GK3: variants seen among roughly 807,000 people sequenced by gnomAD.
GK3 encodes the protein glycerol kinase 3 pseudogene.
the GK3 span, chr4:165,277,940 T>C: frequency 6.4e-6 from 6 of 944,034 alleles, no homozygotes; most frequent in East Asian, 4.8e-5. Flanking sequence ...GTTCTTTCAT[T>C]ATGTAAAAAG....
the GK3 span, chr4:165,278,164 C>A: frequency 3.5e-6 from 5 of 1,438,002 alleles, no homozygotes; most frequent in African/African-American, 2.8e-5. Context: ...TTTCACTTTC[C>A]TCAGCATTAA....
chr4:165,278,813 G>T, the GK3 span: 12 of 1,548,302 alleles, frequency 7.8e-6, no homozygotes, highest in South Asian at 1.1e-4. Flanking sequence ...TGTTCCATAC[G>T]TATTTTTGGC....
At chr4:165,279,276 C>G in the GK3 span, 85 of 1,537,910 alleles carry the variant, frequency 5.5e-5, no homozygotes, top group African/African-American at 1.1e-3. Context: ...CTAAGACTCT[C>G]AACGGTAGAC....
chr4:165,278,249 G>A, the GK3 span: 1 of 1,113,214 alleles, frequency 9.0e-7, no homozygotes, highest in Non-Finnish European at 1.4e-6. Context: ...GACTCCTTCT[G>A]CAGCCCCTGC....
the GK3 span, chr4:165,278,971 A>T: frequency 1.3e-6 from 2 of 1,484,148 alleles, no homozygotes; most frequent in South Asian, 2.3e-5. Context: ...TTTCCATTGG[A>T]ATTCCAAAAA....
At chr4:165,279,432 A>G in the GK3 span, 63 of 1,601,942 alleles carry the variant, frequency 3.9e-5, no homozygotes, top group South Asian at 6.4e-4. Context: ...AGTTTCTCAC[A>G]TGTTTTCTCT....
the GK3 span, chr4:165,279,311 A>G: frequency 1.6e-5 from 25 of 1,556,952 alleles, no homozygotes; most frequent in Non-Finnish European, 2.1e-5. Flanking sequence ...AAGCCACACC[A>G]CAGCATTGTA....
chr4:165,278,440 G>T, the GK3 span: 1 of 1,512,146 alleles, frequency 6.6e-7, no homozygotes. Flanking sequence ...CTCGAGTTTG[G>T]AAACAAACAG....
At chr4:165,278,265 T>C in the GK3 span, 3 of 1,082,774 alleles carry the variant, frequency 2.8e-6, no homozygotes, top group South Asian at 1.2e-5. Context: ...CCTGCCGCCA[T>C]GGCAGCACCC....
chr4:165,278,593 T>A, the GK3 span: 1 of 1,604,590 alleles, frequency 6.2e-7, no homozygotes. Flanking sequence ...AAGTACCTAC[T>A]TCTTTAGCAA....
chr4:165,278,487 T>A, the GK3 span: 1 of 1,595,338 alleles, frequency 6.3e-7, no homozygotes, highest in Non-Finnish European at 8.6e-7. Flanking sequence ...CATTTATTCG[T>A]GAATTGAGTG....
chr4:165,279,286 C>CT, the GK3 span: 1 of 1,542,446 alleles, frequency 6.5e-7, no homozygotes, highest in South Asian at 1.1e-5. Flanking sequence ...CAACGGTAGA[C>CT]TGTGTTCTTA....
chr4:165,279,560 T>C, the GK3 span: 2 of 1,590,232 alleles, frequency 1.3e-6, no homozygotes, highest in South Asian at 1.1e-5. Context: ...TGTTCTTGAA[T>C]TGAAAACCAA....
At chr4:165,278,281 A>C in the GK3 span, 1 of 1,065,272 alleles carries the variant, frequency 9.4e-7, no homozygotes, top group Non-Finnish European at 1.5e-6. Context: ...CACCCAGTGC[A>C]GTGGTTTCGG....
the GK3 span, chr4:165,279,532 A>G: frequency 3.9e-6 from 6 of 1,555,626 alleles, no homozygotes; most frequent in East Asian, 1.3e-4. Context: ...CCACTTGATG[A>G]TGACTAAGTA....
chr4:165,278,540 G>T, the GK3 span: 7 of 1,609,776 alleles, frequency 4.3e-6, no homozygotes, highest in South Asian at 7.7e-5. Context: ...CCAATAAGGT[G>T]CATATAACCC....
At chr4:165,279,501 T>G in the GK3 span, 8 of 1,570,100 alleles carry the variant, frequency 5.1e-6, no homozygotes, top group Non-Finnish European at 7.0e-6. Context: ...CATCCTTCTC[T>G]TGGGAACTCT....
the GK3 span, chr4:165,278,668 A>T: frequency 1.3e-6 from 2 of 1,599,952 alleles, no homozygotes; most frequent in East Asian, 4.5e-5. Flanking sequence ...GAATAACAGC[A>T]CCAGCTATAG....
the GK3 span, chr4:165,278,958 G>T: frequency 2.0e-6 from 3 of 1,488,124 alleles, no homozygotes; most frequent in East Asian, 2.3e-5. Flanking sequence ...ACATGTGGAA[G>T]AATTTCCATT....
Sources: gnomAD v4.1 joint callset for allele counts on GRCh38, gnomAD v4.1.1 for gene constraint, MANE v1.5 for transcripts, NCBI Gene and HGNC (gene_info 2026-07-23, HGNC 2026-07-21) for gene names.